MARCHF4: variants seen among roughly 807,000 people sequenced by gnomAD.
MARCHF4 encodes the protein E3 ubiquitin-protein ligase MARCHF4.
MARCHF4 carries 14 observed loss-of-function variants against 43.9 expected under a neutral mutation model. The ratio of observed to expected loss-of-function variants is 0.32; its 90% CI spans 0.21 to 0.50. The LOEUF is 0.50. MARCHF4 is among the 20% of genes least tolerant of loss of function. The probability of loss-of-function intolerance (pLI) is 0.98; values close to 1 mark genes in which losing one functional copy is unlikely to be tolerated. For synonymous variants in MARCHF4, 226 were observed against 213.3 expected, an observed-to-expected ratio of 1.06 and a Z score of -0.52; for missense variants, 468 against 536.7, an observed-to-expected ratio of 0.87 and a Z score of 1.27.
chr2:216,365,765 G>GT (rs1222955307), intron 1 of MARCHF4, among the ~76,000 whole-genome samples: 3 of 152,136 alleles, frequency 2.0e-5, no homozygotes, highest in Non-Finnish European at 4.4e-5. Flanking sequence ...TGATATTACT[G>GT]TAATTCACTC....
At chr2:216,282,558 T>C (rs1053388653) in intron 2 of MARCHF4, among the ~76,000 whole-genome samples, 4 of 152,192 alleles carry the variant, frequency 2.6e-5, no homozygotes, top group Non-Finnish European at 5.9e-5. Flanking sequence ...TAATTGATTA[T>C]GTGGCAGCTT....
intron 1 of MARCHF4, among the ~76,000 whole-genome samples, chr2:216,352,745 T>A (rs1692421422): frequency 6.6e-6 from 1 of 152,164 alleles, no homozygotes; most frequent in Non-Finnish European, 1.5e-5. Flanking sequence ...CATAGATATC[T>A]CATCTTGTGA....
At chr2:216,295,599 C>T (rs1691377897) in intron 1 of MARCHF4, among the ~76,000 whole-genome samples, 1 of 152,234 alleles carries the variant, frequency 6.6e-6, no homozygotes. Context: ...TACTTCATCC[C>T]TTCACATGCT....
In MARCHF4 at chr2:216,259,359, G is replaced by T. The variant is rs1265561447; in HGVS notation, c.1186C>A (p.Pro396Thr). Residue 396 changes from proline (P) to threonine (T), a missense_variant, in exon 4 of 4, where the codon CCC becomes ACC. Coordinates refer to ENST00000273067, the MANE Select transcript of MARCHF4 (RefSeq NM_020814.3). ...ACCAGCTCTCGGCTGCTGCCTGGGGGACTTCGCTGTTCATGAGGTCTCAAG... is the reference window on the plus strand; with the variant it reads ...ACCAGCTCTCGGCTGCTGCCTGGGGTACTTCGCTGTTCATGAGGTCTCAAG... ...SHLRPHEQRS[P>T]PGSSRELVMR... The T allele has an allele frequency of 6.3e-7, 1 of 1,588,840 alleles. No homozygotes were observed. The highest frequency in any genetic ancestry group is 2.2e-5 in the East Asian group (1 of 44,464).
intron 3 of MARCHF4, among the ~76,000 whole-genome samples, chr2:216,262,496 G>C (rs916450738): frequency 1.3e-5 from 2 of 152,212 alleles, no homozygotes; most frequent in Non-Finnish European, 2.9e-5. Flanking sequence ...ATAATGAAAA[G>C]TGGAAAGTGA....
chr2:216,320,649 TTCTTTCTTTCTTTCTTTCTTTCTTTC>T (rs1691869946), intron 1 of MARCHF4, among the ~76,000 whole-genome samples: 1 of 121,094 alleles, frequency 8.3e-6, no homozygotes, highest in Admixed American at 8.3e-5. Context: ...CTTTCTTTCT[TTCTTTCTTTCTTTCTTTCTTTCTTTC>T]TTTTTTTTTT....
At chr2:216,330,879 C>A (rs908212566) in intron 1 of MARCHF4, among the ~76,000 whole-genome samples, 2 of 151,746 alleles carry the variant, frequency 1.3e-5, no homozygotes, top group African/African-American at 4.8e-5. Flanking sequence ...TAGGAAAGAA[C>A]AAGGCTGAAA....
chr2:216,360,192 A>T (rs1214183994), intron 1 of MARCHF4, among the ~76,000 whole-genome samples: 1 of 152,174 alleles, frequency 6.6e-6, no homozygotes, highest in African/African-American at 2.4e-5. Flanking sequence ...AACTATTTTA[A>T]ATTGTAGCCA....
At chr2:216,299,649 T>A (rs1160434172) in intron 1 of MARCHF4, among the ~76,000 whole-genome samples, 2 of 152,252 alleles carry the variant, frequency 1.3e-5, no homozygotes, top group Non-Finnish European at 2.9e-5. Flanking sequence ...TCAGACAACT[T>A]CTGGCTCCGT....
At chr2:216,271,626 T>C (rs529025922) in intron 3 of MARCHF4, among the ~76,000 whole-genome samples, 1 of 152,256 alleles carries the variant, frequency 6.6e-6, no homozygotes, top group African/African-American at 2.4e-5. Context: ...CTGACTCAAG[T>C]TCCTCTTTCC....
intron 1 of MARCHF4, among the ~76,000 whole-genome samples, chr2:216,317,876 G>A (rs1200551279): frequency 1.3e-5 from 2 of 152,236 alleles, no homozygotes; most frequent in Non-Finnish European, 2.9e-5. Flanking sequence ...AGGACAGTTT[G>A]TGCTGATGGA....
At chr2:216,355,297 T>C (rs1692484254) in intron 1 of MARCHF4, among the ~76,000 whole-genome samples, 1 of 152,028 alleles carries the variant, frequency 6.6e-6, no homozygotes, top group African/African-American at 2.4e-5. Context: ...TTATAATCTT[T>C]TTATTAACCA....
intron 3 of MARCHF4, among the ~76,000 whole-genome samples, chr2:216,262,243 T>A (rs1559280171): frequency 6.6e-6 from 1 of 152,188 alleles, no homozygotes; most frequent in African/African-American, 2.4e-5. Context: ...GTGTTAAGTA[T>A]CCATTTGAGA....
chr2:216,336,447 T>C (rs1388771707), intron 1 of MARCHF4, among the ~76,000 whole-genome samples: 1 of 152,138 alleles, frequency 6.6e-6, no homozygotes, highest in African/African-American at 2.4e-5. Context: ...AAAAACCACA[T>C]GAAAACCTTC....
intron 1 of MARCHF4, among the ~76,000 whole-genome samples, chr2:216,297,618 AT>A (rs1691418055): frequency 6.6e-6 from 1 of 152,164 alleles, no homozygotes; most frequent in African/African-American, 2.4e-5. Context: ...GGTTCAAGCA[AT>A]TCTTTTGCCT....
chr2:216,294,850 G>A (rs1216923090), intron 1 of MARCHF4, among the ~76,000 whole-genome samples: 2 of 152,190 alleles, frequency 1.3e-5, no homozygotes, highest in Non-Finnish European at 2.9e-5. Context: ...AACTTACTGA[G>A]CACTTATCAG....
chr2:216,366,390 A>G (rs182659935), intron 1 of MARCHF4, among the ~76,000 whole-genome samples: 150 of 152,298 alleles, frequency 9.8e-4, no homozygotes, highest in Admixed American at 2.8e-3. Flanking sequence ...CTACAGTCTC[A>G]TGGGCCCTGA....
Position 216,344,600 on chromosome 2 carries a change from G to T in MARCHF4, c.516+25145C>A. Among the ~76,000 whole-genome samples, 2 of 152,136 alleles carry T rather than the reference G, an allele frequency of 1.3e-5. 1 individual carries two copies. Among genetic ancestry groups the T allele is most frequent in the Non-Finnish European group, 2.9e-5 (2 of 68,036 alleles). Reference sequence around the variant, plus strand: ...TCAAGGAGGGCAGGGCTTCTAAAAGGCCCCTTATTTTTACAATGAGGGCAT... The same window carrying T: ...TCAAGGAGGGCAGGGCTTCTAAAAGTCCCCTTATTTTTACAATGAGGGCAT... On this transcript the variant is annotated intron_variant, in intron 1 of 3. Coordinates refer to ENST00000273067, the MANE Select transcript of MARCHF4 (RefSeq NM_020814.3).
intron 3 of MARCHF4, among the ~76,000 whole-genome samples, chr2:216,274,967 C>T (rs1690997281): frequency 6.6e-6 from 1 of 152,198 alleles, no homozygotes; most frequent in African/African-American, 2.4e-5. Context: ...TTGGATGACA[C>T]TGAAAGCAAG....
Sources: allele counts gnomAD v4.1 joint callset (sites outside exome capture counted in the v4.1 genomes callset), GRCh38; gene constraint gnomAD v4.1.1; transcripts MANE v1.5; gene names NCBI Gene and HGNC (gene_info 2026-07-23, HGNC 2026-07-21).